VPS13A: variants seen among roughly 807,000 people sequenced by gnomAD.
The protein encoded by VPS13A is intermembrane lipid transfer protein VPS13A.
In VPS13A, 264 loss-of-function variants were observed where a neutral mutation model predicts 390.9. The ratio of observed to expected loss-of-function variants is 0.68; its 90% CI spans 0.61 to 0.75. The LOEUF (loss-of-function observed/expected upper bound fraction) is 0.75. Among genes scored for constraint, VPS13A ranks in the 30% least tolerant of loss-of-function variants. The pLI is 0.00. For missense variants in VPS13A, 3,409 were observed against 3,733.9 expected, an observed-to-expected ratio of 0.91 and a Z score of 2.27; for synonymous variants, 1,231 against 1,227.1, an observed-to-expected ratio of 1.00 and a Z score of -0.07.
At chr9:77,364,392 T>G (rs1383498374) in intron 59 of VPS13A, among the ~76,000 whole-genome samples, 1 of 151,780 alleles carries the variant, frequency 6.6e-6, no homozygotes, top group Non-Finnish European at 1.5e-5. Flanking sequence ...GCCACTGCAC[T>G]CCAGCCTAGG....
At chr9:77,354,834 C>T (rs1267912492) in intron 54 of VPS13A, among the ~76,000 whole-genome samples, 3 of 152,118 alleles carry the variant, frequency 2.0e-5, no homozygotes, top group Admixed American at 6.5e-5. Context: ...TATCTACCAG[C>T]GTTTGCATAC....
At chr9:77,331,403 C>T (rs1830267824) in intron 45 of VPS13A, among the ~76,000 whole-genome samples, 1 of 151,734 alleles carries the variant, frequency 6.6e-6, no homozygotes, top group Non-Finnish European at 1.5e-5. Context: ...ATTTTTTTTG[C>T]AGTTTGTTGG....
Position 77,273,279 on chromosome 9 carries a change from G to C in VPS13A, c.2428-1G>C. ...TCAACATTGAATTACTTTTCTTTCA[G>C]ATTCAAACATCTACTTCTTTGGGAA... On this transcript the variant is annotated splice_acceptor_variant, in intron 23 of 71. Transcript: ENST00000360280. LOFTEE classifies it high-confidence loss of function. 1 of 1,608,036 alleles carries C rather than the reference G, an allele frequency of 6.2e-7. No homozygotes were observed. Among genetic ancestry groups the C allele is most frequent in the South Asian group, 1.1e-5 (1 of 90,232 alleles).
chr9:77,218,993 G>A (rs946035162), intron 10 of VPS13A, among the ~76,000 whole-genome samples: 1 of 152,110 alleles, frequency 6.6e-6, no homozygotes, highest in African/African-American at 2.4e-5. Flanking sequence ...GAGAAGTTAA[G>A]GAGTCTATGC....
intron 1 of VPS13A, among the ~76,000 whole-genome samples, chr9:77,196,129 TTTTA>T (rs755946900): frequency 6.6e-6 from 1 of 152,198 alleles, no homozygotes; most frequent in Non-Finnish European, 1.5e-5. Context: ...TCCTTATTTA[TTTTA>T]TTTATTTATT....
At chr9:77,407,465 G>C in intron 70 of VPS13A, 68 bp from the exon 71 acceptor site, 1 of 1,315,646 alleles carries the variant, frequency 7.6e-7, no homozygotes, top group Non-Finnish European at 1.1e-6. Flanking sequence ...ATAAAGCTTT[G>C]TGGCATTTCT....
At chr9:77,278,237 A>AT (rs57545793) in intron 26 of VPS13A, among the ~76,000 whole-genome samples, 44,427 of 115,394 alleles carry the variant, frequency 0.39, 8,934 homozygotes, top group East Asian at 0.53. Context: ...CGCCCAGCTA[A>AT]TTTTTTTTTT....
chr9:77,412,941 C>G (rs1020583235), intron 71 of VPS13A, among the ~76,000 whole-genome samples: 1 of 150,986 alleles, frequency 6.6e-6, no homozygotes, highest in African/African-American at 2.5e-5. Flanking sequence ...CACAAGCATT[C>G]TTATACACCA....
In VPS13A at chr9:77,201,323, A is replaced by G. The variant is rs373944070; in HGVS notation, c.145-42A>G. The stretch of plus-strand genomic sequence containing the variant: ...GTATTCATTTATGTTGTTAAACTCT[A>G]TATCTACTAATGTTTTGTGTATATA... On this transcript the variant is annotated intron_variant, in intron 2 of 71. Transcript: ENST00000360280. The G allele has an allele frequency of 2.7e-5, 37 of 1,380,212 alleles. No homozygotes were observed. In the East Asian group the frequency reaches 3.9e-4, roughly 15 times the overall value. 85.5% of individuals were successfully genotyped at this position (1,380,212 alleles called of 1,614,324 possible).
rs200562685 is a variant in VPS13A at position 77,220,418 on chromosome 9, T to A, written c.989+35T>A. ...TTGATTTTTTTTTTTTTTTAGATTTTAAAAATACAACATAAAAATAAATTT... is the reference window on the plus strand; with the variant it reads ...TTGATTTTTTTTTTTTTTTAGATTTAAAAAATACAACATAAAAATAAATTT... On this transcript the variant is annotated intron_variant, in intron 12 of 71. Coordinates refer to ENST00000360280, the MANE Select transcript of VPS13A (RefSeq NM_033305.3). The A allele has an allele frequency of 8.2e-6, 11 of 1,342,368 alleles. No individual in the cohort carries two copies. The East Asian group carries it at 1.5e-4, about 18-fold the overall frequency. 83.2% of individuals were successfully genotyped at this position (1,342,368 alleles called of 1,614,324 possible).
chr9:77,398,553 G>T (rs552481482), intron 68 of VPS13A, among the ~76,000 whole-genome samples: 1 of 152,186 alleles, frequency 6.6e-6, no homozygotes, highest in African/African-American at 2.4e-5. Context: ...ATGATGTTTT[G>T]AGTAGTCTAA....
intron 71 of VPS13A, among the ~76,000 whole-genome samples, chr9:77,413,827 T>C (rs1363035967): frequency 6.6e-6 from 1 of 151,858 alleles, no homozygotes; most frequent in African/African-American, 2.4e-5. Context: ...TGGGAGAAAA[T>C]TTTTGCAATC....
In VPS13A at chr9:77,358,428, C is replaced by T; in HGVS notation, c.8025C>T (p.Thr2675=). 6.2e-7 allele frequency: 1 copy of T among 1,612,770 alleles called. No homozygotes were observed. The highest frequency in any genetic ancestry group is 8.5e-7 in the Non-Finnish European group (1 of 1,179,330). ...CTGTTAAACCTCCAAAGTCGGTCAC[C>T]ATGGATTCAGGTTTGTTTTTATTTT... ...FYPVKPPKSV[T]MDSAPKPFTD... The change falls in exon 57 of 72, where the codon ACC becomes ACT. Residue 2675 remains threonine (T), a synonymous_variant. Transcript: ENST00000360280.
Position 77,369,409 on chromosome 9 carries a change from C to A in VPS13A, c.8664C>A (p.Tyr2888Ter), listed in dbSNP as rs1241810634. The A allele has an allele frequency of 1.9e-6, 3 of 1,577,522 alleles. No homozygotes were observed. The highest frequency in any genetic ancestry group is 1.7e-6 in the Non-Finnish European group (2 of 1,146,956). Residue 2888 changes from tyrosine (Y) to a stop codon, truncating the protein, a stop_gained, in exon 63 of 72, where the codon TAC becomes TAA. Transcript: ENST00000360280. LOFTEE classifies it high-confidence loss of function. ...EGVEAFFYEP[Y>*]QGAIQGPEEF... Reference sequence around the variant, plus strand: ...TAGAAGCATTTTTTTATGAACCTTACCAGGTAAAATAGTTATTTTTGTGGT... The same window carrying A: ...TAGAAGCATTTTTTTATGAACCTTAACAGGTAAAATAGTTATTTTTGTGGT...
chr9:77,215,983 T>A (rs1356561779), intron 10 of VPS13A, among the ~76,000 whole-genome samples: 3 of 152,156 alleles, frequency 2.0e-5, no homozygotes, highest in Admixed American at 1.3e-4. Context: ...GCTGAAGAAC[T>A]CCGTGCTGGA....
rs200035069 is a variant in VPS13A at position 77,227,706 on chromosome 9, T to TG, written c.1452+221_1452+222insG. 0.079 allele frequency among the ~76,000 whole-genome samples: 11,922 copies of TG among 151,208 alleles called. 598 individuals carry two copies. Among genetic ancestry groups the TG allele is most frequent in the East Asian group, 0.12 (599 of 5,156 alleles). On this transcript the variant is annotated intron_variant, in intron 16 of 71. Coordinates refer to ENST00000360280, the MANE Select transcript of VPS13A (RefSeq NM_033305.3). Reference sequence around the variant, plus strand: ...AATTTTTGTGGTTTTTTTTTTGTTTTTTTTTTTTGATAGAGATGGGGTTTC... The same window carrying TG: ...AATTTTTGTGGTTTTTTTTTTGTTTTGTTTTTTTTGATAGAGATGGGGTTTC...
intron 71 of VPS13A, among the ~76,000 whole-genome samples, chr9:77,410,099 A>G (rs1457995340): frequency 1.3e-5 from 2 of 152,234 alleles, no homozygotes; most frequent in Admixed American, 1.3e-4. Flanking sequence ...CTGATCTCTC[A>G]GCAGAAACTC....
Position 77,193,218 on chromosome 9 carries a change from A to G in VPS13A, c.101-6727A>G, listed in dbSNP as rs372197827. On this transcript the variant is annotated intron_variant, in intron 1 of 71. Transcript: ENST00000360280. ...AGTTTGGTTGTTTCTTAAAATGACT[A>G]TTTCATTTTTCAGCTCTTGACTCAT... Among the ~76,000 whole-genome samples, 7 of 152,180 alleles carry G rather than the reference A, an allele frequency of 4.6e-5. No individual in the cohort carries two copies. In the East Asian group the frequency reaches 1.2e-3, roughly 25 times the overall value.
intron 20 of VPS13A, among the ~76,000 whole-genome samples, chr9:77,249,360 G>GA (rs1458552938): frequency 2.0e-5 from 3 of 152,044 alleles, no homozygotes; most frequent in African/African-American, 7.3e-5. Context: ...TGGTATAATA[G>GA]AGCATAAGGT....
Sources: gnomAD v4.1 joint callset for allele counts (sites outside exome capture counted in the v4.1 genomes callset) on GRCh38, gnomAD v4.1.1 for gene constraint, MANE v1.5 for transcripts, NCBI Gene and HGNC (gene_info 2026-07-23, HGNC 2026-07-21) for gene names.